CSRNP3: variants seen among roughly 807,000 people sequenced by gnomAD.
CSRNP3 encodes the protein cysteine/serine-rich nuclear protein 3.
CSRNP3 carries 12 observed loss-of-function variants against 48.0 expected under a neutral mutation model. The ratio of observed to expected loss-of-function variants is 0.25; its 90% CI spans 0.16 to 0.41. CSRNP3 has a LOEUF of 0.41. Among genes scored for constraint, CSRNP3 ranks in the 10% least tolerant of loss-of-function variants. The pLI is 1.00. For missense variants in CSRNP3, 580 were observed against 724.4 expected, an observed-to-expected ratio of 0.80 and a Z score of 2.29; for synonymous variants, 263 against 269.7, an observed-to-expected ratio of 0.98 and a Z score of 0.24.
chr2:165,605,262 A>T (rs1027945873), intron 4 of CSRNP3, among the ~76,000 whole-genome samples: 10 of 152,090 alleles, frequency 6.6e-5, no homozygotes, highest in African/African-American at 1.7e-4. Context: ...CTCCAGCCAC[A>T]TTGATCTTTA....
rs556776885 is a variant in CSRNP3 at position 165,595,563 on chromosome 2, G to T, written c.148+350G>T. Among the ~76,000 whole-genome samples the T allele has an allele frequency of 2.5e-4, 38 of 152,272 alleles. 2 individuals are homozygous for T. The highest frequency in any genetic ancestry group is 8.7e-4 in the African/African-American group (36 of 41,546). On this transcript the variant is annotated intron_variant, in intron 4 of 6. Coordinates refer to ENST00000651982, the MANE Select transcript of CSRNP3 (RefSeq NM_001172173.2). ...AAAAGTATCCTTTCATAATTGAAAT[G>T]ATGTTCTGGGAGAAAACATTTTAAA...
chr2:165,605,060 G>C (rs1351696438), intron 4 of CSRNP3, among the ~76,000 whole-genome samples: 6 of 152,110 alleles, frequency 3.9e-5, no homozygotes, highest in Admixed American at 3.9e-4. Flanking sequence ...ACTGCTGCAG[G>C]AAAGAGCCTT....
At chr2:165,472,419 C>CT (rs1683907620) in intron 1 of CSRNP3, among the ~76,000 whole-genome samples, 1 of 151,604 alleles carries the variant, frequency 6.6e-6, no homozygotes, top group Non-Finnish European at 1.5e-5. Context: ...CACATATATC[C>CT]TTTTTGCTTT....
At chr2:165,662,032 C>T (rs976859582) in intron 5 of CSRNP3, among the ~76,000 whole-genome samples, 10 of 151,534 alleles carry the variant, frequency 6.6e-5, no homozygotes, top group Admixed American at 2.0e-4. Flanking sequence ...ATAATGGCAC[C>T]TCTCATAATG....
At position 165,636,482 on chromosome 2, in the gene CSRNP3, T is replaced by A. The variant is rs57409149; in HGVS notation, c.149-21279T>A. 2.3e-3 allele frequency among the ~76,000 whole-genome samples: 345 copies of A among 152,254 alleles called. 1 individual carries two copies. Among genetic ancestry groups the A allele is most frequent in the African/African-American group, 7.9e-3 (329 of 41,564 alleles). ...TGAGATATTTTCCCAGTAATATTGA[T>A]ATATTTGTGTTTTTCTGATCCATCT... On this transcript the variant is annotated intron_variant, in intron 4 of 6. Transcript: ENST00000651982.
At chr2:165,534,647 G>A (rs1227277656) in intron 3 of CSRNP3, among the ~76,000 whole-genome samples, 1 of 151,260 alleles carries the variant, frequency 6.6e-6, no homozygotes, top group Non-Finnish European at 1.5e-5. Context: ...TTCTTATAAA[G>A]AAATATTATA....
chr2:165,586,901 T>G (rs1288546175), intron 3 of CSRNP3, among the ~76,000 whole-genome samples: 1 of 152,242 alleles, frequency 6.6e-6, no homozygotes, highest in African/African-American at 2.4e-5. Context: ...TTGACATTTT[T>G]AATCAAACCC....
At position 165,661,930 on chromosome 2, in the gene CSRNP3, C is replaced by T. The variant is rs536623341; in HGVS notation, c.408+3910C>T. On this transcript the variant is annotated intron_variant, in intron 5 of 6. Coordinates refer to ENST00000651982, the MANE Select transcript of CSRNP3 (RefSeq NM_001172173.2). Reference sequence around the variant, plus strand: ...TTCTACTTCTTTGAGAACCAACAGCCCCAAAACAGGAAGAAGAAGTTCCTC... The same window carrying T: ...TTCTACTTCTTTGAGAACCAACAGCTCCAAAACAGGAAGAAGAAGTTCCTC... Among the ~76,000 whole-genome samples the T allele has an allele frequency of 1.1e-4, 17 of 152,158 alleles. 1 individual carries two copies. The South Asian group carries it at 3.5e-3, about 32-fold the overall frequency.
At chr2:165,543,656 T>A (rs889301075) in intron 3 of CSRNP3, among the ~76,000 whole-genome samples, 8 of 152,292 alleles carry the variant, frequency 5.3e-5, no homozygotes, top group African/African-American at 1.9e-4. Flanking sequence ...GCTTAGTTTT[T>A]CATTTTTAAT....
In CSRNP3 at chr2:165,687,747, C is replaced by T. The variant is rs1447189272; in HGVS notation, c.*7994C>T. On this transcript the variant is annotated 3_prime_UTR_variant, in exon 7 of 7. Coordinates refer to ENST00000651982, the MANE Select transcript of CSRNP3 (RefSeq NM_001172173.2). ...TTGTCTTCTTGACAAGGCCTGAAAA[C>T]GAAGGGAGGTGTCGTGGAGAAATGG... is the stretch of plus-strand genomic sequence containing the variant. 6.6e-6 allele frequency: 1 copy of T among 152,064 alleles called. No homozygotes were observed. Among genetic ancestry groups the T allele is most frequent in the Non-Finnish European group, 1.5e-5 (1 of 67,966 alleles). 9.4% of individuals were successfully genotyped at this position (152,064 alleles called of 1,614,324 possible). A position where few individuals can be genotyped will look rare whatever the true frequency, so the allele number is the denominator to read the frequency against.
At chr2:165,522,101 G>A (rs1684671035) in intron 3 of CSRNP3, among the ~76,000 whole-genome samples, 1 of 152,010 alleles carries the variant, frequency 6.6e-6, no homozygotes, top group African/African-American at 2.4e-5. Flanking sequence ...GACCAGCCTG[G>A]GCAACATGGC....
intron 1 of CSRNP3, among the ~76,000 whole-genome samples, chr2:165,471,820 TAGAG>T (rs969003357): frequency 6.7e-6 from 1 of 148,158 alleles, no homozygotes; most frequent in Non-Finnish European, 1.5e-5. Context: ...CAGGAAGAGA[TAGAG>T]AGAGAGAGAG....
At chr2:165,494,315 A>C (rs1684257912) in intron 1 of CSRNP3, among the ~76,000 whole-genome samples, 1 of 152,034 alleles carries the variant, frequency 6.6e-6, no homozygotes, top group Admixed American at 6.6e-5. Context: ...TATACCTGAG[A>C]AAAAAGAAAT....
At chr2:165,528,378 T>A (rs1243096427) in intron 3 of CSRNP3, among the ~76,000 whole-genome samples, 1 of 152,198 alleles carries the variant, frequency 6.6e-6, no homozygotes, top group African/African-American at 2.4e-5. Context: ...TAGAATCAAA[T>A]CCAAAAAAAT....
In CSRNP3 at chr2:165,681,615, G is replaced by T. The variant is rs971927053; in HGVS notation, c.*1862G>T. 2.7e-5 allele frequency: 4 copies of T among 150,558 alleles called. No individual in the cohort carries two copies. The highest frequency in any genetic ancestry group is 9.8e-5 in the African/African-American group (4 of 40,992). 9.3% of individuals were successfully genotyped at this position (150,558 alleles called of 1,614,324 possible). A position where few individuals can be genotyped will look rare whatever the true frequency, so the allele number is the denominator to read the frequency against. On this transcript the variant is annotated 3_prime_UTR_variant, in exon 7 of 7. Coordinates refer to ENST00000651982, the MANE Select transcript of CSRNP3 (RefSeq NM_001172173.2). ...AACTCTTAATATTAACATTAAAAGA[G>T]CTTTGGGTTTGTCTTTATGTAGGTT...
intron 2 of CSRNP3, among the ~76,000 whole-genome samples, chr2:165,516,505 A>G (rs1476501910): frequency 6.6e-6 from 1 of 152,214 alleles, no homozygotes; most frequent in Non-Finnish European, 1.5e-5. Context: ...AGTATAATTT[A>G]TTAATTAGCT....
chr2:165,639,208 T>C (rs1022507021), intron 4 of CSRNP3, among the ~76,000 whole-genome samples: 7 of 152,102 alleles, frequency 4.6e-5, no homozygotes, highest in African/African-American at 1.4e-4. Flanking sequence ...ACAGGAAAAT[T>C]ACCTACAAAA....
chr2:165,547,194 C>T (rs72877750), intron 3 of CSRNP3, among the ~76,000 whole-genome samples: 12 of 152,238 alleles, frequency 7.9e-5, no homozygotes, highest in Non-Finnish European at 1.6e-4. Flanking sequence ...ATTATGATGT[C>T]ACTACTCATT....
At chr2:165,641,904 A>G (rs993541065) in intron 4 of CSRNP3, among the ~76,000 whole-genome samples, 8 of 152,104 alleles carry the variant, frequency 5.3e-5, no homozygotes, top group East Asian at 1.9e-4. Context: ...GGAAATATAA[A>G]CTCTTAAAAT....
Sources: allele counts gnomAD v4.1 joint callset (sites outside exome capture counted in the v4.1 genomes callset), GRCh38; gene constraint gnomAD v4.1.1; transcripts MANE v1.5; gene names NCBI Gene and HGNC (gene_info 2026-07-23, HGNC 2026-07-21).